Variants in GLRA3 observed in about 807,000 individuals in gnomAD.
GLRA3 encodes the protein glycine receptor alpha 3.
In GLRA3, 44 loss-of-function variants were observed where a neutral mutation model predicts 60.4. The observed-to-expected ratio is 0.73, with a 90% CI of 0.57 to 0.94. The LOEUF is 0.94. Among genes scored for constraint, GLRA3 ranks in the 40% least tolerant of loss-of-function variants. The probability of loss-of-function intolerance (pLI) is 0.00; values close to 1 mark genes in which losing one functional copy is unlikely to be tolerated. For missense variants in GLRA3, 508 were observed against 564.6 expected (o/e 0.90, Z 1.02); for synonymous variants, 223 against 192.9 (o/e 1.16, Z -1.29).
Position 174,642,109 on chromosome 4 carries a change from G to T in GLRA3, c.*1677C>A. On this transcript the variant is annotated 3_prime_UTR_variant, in exon 10 of 10. Transcript: ENST00000274093. The stretch of plus-strand genomic sequence containing the variant: ...GTTGTTTTAAGTTACTTATAAAGGA[G>T]GGGAACTTGGTCTTTTACTAGCAAA... 1 of 890,730 alleles carries T rather than the reference G, an allele frequency of 1.1e-6. No individual in the cohort carries two copies. Among genetic ancestry groups the T allele is most frequent in the Non-Finnish European group, 1.3e-6 (1 of 743,684 alleles). 55.2% of individuals were successfully genotyped at this position (890,730 alleles called of 1,614,324 possible).
At chr4:174,739,057 G>A (rs1256638732) in intron 3 of GLRA3, among the ~76,000 whole-genome samples, 1 of 152,228 alleles carries the variant, frequency 6.6e-6, no homozygotes, top group African/African-American at 2.4e-5. Flanking sequence ...ATCATGGCAT[G>A]TAATGAAATG....
At chr4:174,757,905 G>C (rs112720935) in intron 3 of GLRA3, among the ~76,000 whole-genome samples, 82 of 152,236 alleles carry the variant, frequency 5.4e-4, no homozygotes, top group African/African-American at 1.9e-3. Flanking sequence ...TTTGGGTCAC[G>C]GGGGTGGATC....
intron 3 of GLRA3, among the ~76,000 whole-genome samples, chr4:174,765,176 A>G (rs1265769063): frequency 1.1e-5 from 1 of 94,104 alleles, no homozygotes; most frequent in Non-Finnish European, 2.3e-5. Context: ...ATGCTATTCT[A>G]TAAAGTCTGG....
chr4:174,763,874 A>G (rs1738035071), intron 3 of GLRA3, among the ~76,000 whole-genome samples: 2 of 152,186 alleles, frequency 1.3e-5, no homozygotes, highest in Non-Finnish European at 2.9e-5. Context: ...TCTGTTTAAG[A>G]AGAATGTGAA....
intron 6 of GLRA3, among the ~76,000 whole-genome samples, chr4:174,677,655 C>T (rs567437148): frequency 1.3e-4 from 20 of 152,152 alleles, no homozygotes; most frequent in Non-Finnish European, 2.6e-4. Flanking sequence ...CCACTGCTCC[C>T]GGCCTCACAA....
intron 4 of GLRA3, among the ~76,000 whole-genome samples, chr4:174,727,299 C>G (rs996799367): frequency 5.9e-5 from 9 of 152,116 alleles, no homozygotes; most frequent in Non-Finnish European, 8.8e-5. Context: ...CTATTTTATC[C>G]CTGATATTGG....
Position 174,733,099 on chromosome 4 carries a change from G to A in GLRA3, c.268-4401C>T, listed in dbSNP as rs574313868. On this transcript the variant is annotated intron_variant, in intron 3 of 9. Coordinates refer to ENST00000274093, the MANE Select transcript of GLRA3 (RefSeq NM_006529.4). ...AAGAATCCTTATAGCTGAAAGAGGA[G>A]GAAGAGAGTCAGTGCCAAAATGAGG... is the stretch of plus-strand genomic sequence containing the variant. Among the ~76,000 whole-genome samples, 66 of 152,280 alleles carry A rather than the reference G, an allele frequency of 4.3e-4. 1 individual carries two copies. In the South Asian group the frequency reaches 0.013, roughly 30 times the overall value.
chr4:174,746,486 G>A (rs1026222215), intron 3 of GLRA3, among the ~76,000 whole-genome samples: 2 of 152,142 alleles, frequency 1.3e-5, no homozygotes, highest in African/African-American at 4.8e-5. Context: ...TAGATACCAG[G>A]GACTGGGGAG....
intron 5 of GLRA3, among the ~76,000 whole-genome samples, chr4:174,709,415 A>G (rs1735627068): frequency 6.6e-6 from 1 of 152,042 alleles, no homozygotes; most frequent in Non-Finnish European, 1.5e-5. Flanking sequence ...ATAAAATATG[A>G]ATTTTGAGAA....
chr4:174,776,228 C>T (rs936519751), intron 2 of GLRA3, among the ~76,000 whole-genome samples: 1 of 152,100 alleles, frequency 6.6e-6, no homozygotes, highest in African/African-American at 2.4e-5. Context: ...CTGCAGGACC[C>T]AAGAATAATG....
chr4:174,763,438 A>G (rs576279827), intron 3 of GLRA3, among the ~76,000 whole-genome samples: 3 of 152,294 alleles, frequency 2.0e-5, no homozygotes, highest in Non-Finnish European at 2.9e-5. Context: ...CTCTTAACCA[A>G]TAAAACCCCA....
At chr4:174,671,178 G>C (rs1159335570) in intron 7 of GLRA3, among the ~76,000 whole-genome samples, 1 of 152,040 alleles carries the variant, frequency 6.6e-6, no homozygotes, top group East Asian at 1.9e-4. Flanking sequence ...CTTGGATCAT[G>C]TTTGTACTGA....
intron 4 of GLRA3, chr4:174,722,971 T>C (rs1163273594): frequency 6.0e-6 from 1 of 167,368 alleles, no homozygotes; most frequent in African/African-American, 2.4e-5. Context: ...GACCATCTGT[T>C]TCATTTGAAT....
At chr4:174,804,988 C>T (rs1739975855) in intron 1 of GLRA3, among the ~76,000 whole-genome samples, 1 of 152,128 alleles carries the variant, frequency 6.6e-6, no homozygotes, top group Admixed American at 6.5e-5. Flanking sequence ...AAGATGGAGC[C>T]TTCGTGTTGA....
intron 3 of GLRA3, among the ~76,000 whole-genome samples, chr4:174,764,750 G>A (rs560096073): frequency 3.9e-5 from 6 of 152,132 alleles, no homozygotes; most frequent in Non-Finnish European, 7.4e-5. Context: ...CCAAGTGGGA[G>A]CAAAACATTT....
intron 1 of GLRA3, among the ~76,000 whole-genome samples, chr4:174,826,560 T>C (rs1740976360): frequency 6.6e-6 from 1 of 152,024 alleles, no homozygotes; most frequent in African/African-American, 2.4e-5. Context: ...TTGTGCACTT[T>C]TCTTTGTGTA....
chr4:174,650,985 T>C (rs2110861881), intron 9 of GLRA3, among the ~76,000 whole-genome samples: 1 of 152,374 alleles, frequency 6.6e-6, no homozygotes, highest in South Asian at 2.1e-4. Context: ...CCTAGGGTTC[T>C]TGCCCTTGGC....
chr4:174,748,166 G>C (rs1395688967), intron 3 of GLRA3, among the ~76,000 whole-genome samples: 6 of 152,168 alleles, frequency 3.9e-5, no homozygotes, highest in African/African-American at 1.4e-4. Flanking sequence ...AGTGCAAATA[G>C]ATTTGGGAAG....
At chr4:174,749,008 G>C (rs1430495923) in intron 3 of GLRA3, among the ~76,000 whole-genome samples, 1 of 152,096 alleles carries the variant, frequency 6.6e-6, no homozygotes, top group Non-Finnish European at 1.5e-5. Flanking sequence ...TAGTATCATT[G>C]AGTTTTTCCA....
Sources: allele counts gnomAD v4.1 joint callset (sites outside exome capture counted in the v4.1 genomes callset), GRCh38; gene constraint gnomAD v4.1.1; transcripts MANE v1.5; gene names NCBI Gene and HGNC (gene_info 2026-07-23, HGNC 2026-07-21).